Variants in HEPACAM2 observed in about 807,000 individuals in gnomAD.
HEPACAM2 encodes HEPACAM family member 2.
HEPACAM2 carries 49 observed loss-of-function variants against 49.6 expected under a neutral mutation model. The observed-to-expected ratio is 0.99, with a 90% CI of 0.78 to 1.25. The LOEUF (loss-of-function observed/expected upper bound fraction) is 1.25, where lower values mean the gene tolerates loss of function less well. HEPACAM2 is among the 50% of genes most tolerant of loss of function. The pLI, the probability that HEPACAM2 is intolerant of heterozygous loss-of-function variation, is 0.00. For missense variants in HEPACAM2, 525 were observed against 557.2 expected (o/e 0.94, Z 0.58); for synonymous variants, 197 against 202.9 (o/e 0.97, Z 0.25).
intron 1 of HEPACAM2, 25 bp downstream of exon 1, chr7:93,226,343 A>C: frequency 6.4e-7 from 1 of 1,571,730 alleles, no homozygotes; most frequent in Non-Finnish European, 8.7e-7. Flanking sequence ...CAAACAGCTA[A>C]AACACAATTC....
chr7:93,215,159 C>G (rs1259576992), intron 3 of HEPACAM2, among the ~76,000 whole-genome samples: 1 of 152,114 alleles, frequency 6.6e-6, no homozygotes, highest in East Asian at 1.9e-4. Flanking sequence ...TAGACTGAAT[C>G]ACGAAATACA....
chr7:93,229,564 C>T (rs1404149505), upstream of HEPACAM2, among the ~76,000 whole-genome samples: 1 of 152,070 alleles, frequency 6.6e-6, no homozygotes, highest in East Asian at 1.9e-4. Context: ...AGTAATATGC[C>T]CTTATCCTAC....
Position 93,208,579 on chromosome 7 carries a change from C to T in HEPACAM2, c.1012+1G>A, listed in dbSNP as rs747244115. ...ATCCCTTCCTTGTATGTCACACATA[C>T]CTACGGAAGTGATGATAACTGTGAA... On this transcript the variant is annotated splice_donor_variant, in intron 4 of 9. Coordinates refer to ENST00000394468, the MANE Select transcript of HEPACAM2 (RefSeq NM_001039372.4). LOFTEE classifies it high-confidence loss of function. 1.2e-6 allele frequency: 2 copies of T among 1,610,580 alleles called. No homozygotes were observed. The highest frequency in any genetic ancestry group is 1.7e-6 in the Non-Finnish European group (2 of 1,177,868).
intron 8 of HEPACAM2, among the ~76,000 whole-genome samples, chr7:93,193,592 T>G (rs6950913): frequency 0.019 from 2,882 of 152,204 alleles, 91 homozygotes; most frequent in African/African-American, 0.065. Flanking sequence ...CCACACAATA[T>G]GCCAAGAGAT....
chr7:93,222,111 T>C (rs1794462180), intron 1 of HEPACAM2, among the ~76,000 whole-genome samples: 1 of 152,158 alleles, frequency 6.6e-6, no homozygotes, highest in South Asian at 2.1e-4. Flanking sequence ...GTCTAAGATA[T>C]GTGAAGCAGA....
chr7:93,204,291 T>A (rs1335473768), intron 4 of HEPACAM2, among the ~76,000 whole-genome samples: 1 of 152,142 alleles, frequency 6.6e-6, no homozygotes, highest in East Asian at 1.9e-4. Flanking sequence ...AACATTTGAA[T>A]ACTGATCAGA....
rs1794091671 is a variant in HEPACAM2, at chr7:93,208,631, T to C, written c.961A>G (p.Ile321Val). Residue 321 changes from isoleucine to valine, a missense_variant, in exon 4 of 10, where the codon ATA becomes GTA. By Grantham distance (29) the Ile-to-Val change is conservative. Transcript: ENST00000394468. Reference sequence around the variant, plus strand: ...TGAGTTTCATCTTGCCTGCCGGTTATGTTGTTGTAAGCACAGCACACATAG... The same window carrying C: ...TGAGTTTCATCTTGCCTGCCGGTTACGTTGTTGTAAGCACAGCACACATAG... ...MDYVCCAYNN[I>V]TGRQDETHFT... 6.2e-7 allele frequency: 1 copy of C among 1,612,974 alleles called. No homozygotes were observed. The highest frequency in any genetic ancestry group is 8.5e-7 in the Non-Finnish European group (1 of 1,179,354).
chr7:93,219,860 TC>T (rs1794411332), intron 1 of HEPACAM2, among the ~76,000 whole-genome samples: 1 of 152,238 alleles, frequency 6.6e-6, no homozygotes, highest in South Asian at 2.1e-4. Flanking sequence ...AGAGGTTATT[TC>T]CTCCCAACAG....
At position 93,188,705 on chromosome 7, in the gene HEPACAM2, T is replaced by A. The variant is rs2116611812; in HGVS notation, c.*562A>T. 3.8e-6 allele frequency: 1 copy of A among 263,814 alleles called. No homozygotes were observed. Among genetic ancestry groups the A allele is most frequent in the Non-Finnish European group, 7.0e-6 (1 of 142,116 alleles). 16.3% of individuals were successfully genotyped at this position (263,814 alleles called of 1,614,324 possible). A position where few individuals can be genotyped will look rare whatever the true frequency, so the allele number is the denominator to read the frequency against. On this transcript the variant is annotated 3_prime_UTR_variant, in exon 10 of 10. Transcript: ENST00000394468. Reference sequence around the variant, plus strand: ...TCTTCTCAAAAATACTACTGGTGATTGAAAAAAAAGAGAAGGCATAGTTTT... The same window carrying A: ...TCTTCTCAAAAATACTACTGGTGATAGAAAAAAAAGAGAAGGCATAGTTTT...
chr7:93,198,517 C>T (rs556717365), intron 4 of HEPACAM2, among the ~76,000 whole-genome samples: 70 of 152,164 alleles, frequency 4.6e-4, no homozygotes, highest in African/African-American at 1.7e-3. Context: ...ATGTTAACAC[C>T]AGCTTCAGGT....
At chr7:93,193,825 A>T (rs1793616547) in intron 8 of HEPACAM2, among the ~76,000 whole-genome samples, 1 of 152,058 alleles carries the variant, frequency 6.6e-6, no homozygotes, top group Non-Finnish European at 1.5e-5. Context: ...TTTTATTATC[A>T]CCTTTCCTTC....
chr7:93,189,308 T>C (rs1793481907), intron 9 of HEPACAM2, 38 bp from the exon 10 acceptor site: 2 of 1,518,662 alleles, frequency 1.3e-6, no homozygotes, highest in Non-Finnish European at 1.8e-6. Context: ...AACAGTTCTA[T>C]AGATTTTTCA....
rs1252439199 is a variant in HEPACAM2, at chr7:93,192,332, C to A, written c.1307G>T (p.Cys436Phe). ...IPSRSVPASD[C>F]VSGQDLHSTV... ...ACTGTGCAAATCTTGCCCCGATACA[C>A]AATCAGAGGCTGGAACAGACCTGCT... Residue 436 changes from cysteine to phenylalanine, a missense_variant, in exon 9 of 10, where the codon TGT (cysteine) becomes TTT (phenylalanine). Cys to Phe is a radical substitution (Grantham distance 205, BLOSUM62 -2). Coordinates refer to ENST00000394468, the MANE Select transcript of HEPACAM2 (RefSeq NM_001039372.4). 6.2e-7 allele frequency: 1 copy of A among 1,612,614 alleles called. No homozygotes were observed. The highest frequency in any genetic ancestry group is 8.5e-7 in the Non-Finnish European group (1 of 1,179,090).
chr7:93,229,770 A>T (rs182847867), upstream of HEPACAM2, among the ~76,000 whole-genome samples: 2 of 152,230 alleles, frequency 1.3e-5, no homozygotes, highest in Admixed American at 6.5e-5. Flanking sequence ...AATAAATCTT[A>T]AAAATAAATA....
At chr7:93,225,878 C>T in intron 1 of HEPACAM2, 1 of 1,343,804 alleles carries the variant, frequency 7.4e-7, no homozygotes, top group Non-Finnish European at 1.0e-6. Context: ...AGTTTGGAAT[C>T]TTACCTTTCT....
chr7:93,204,075 A>T (rs1203171486), intron 4 of HEPACAM2, among the ~76,000 whole-genome samples: 2 of 152,142 alleles, frequency 1.3e-5, no homozygotes, highest in Non-Finnish European at 2.9e-5. Flanking sequence ...GATAGAAAAA[A>T]TTAGTAAATT....
At chr7:93,196,260 G>A (rs1345012649) in intron 7 of HEPACAM2, among the ~76,000 whole-genome samples, 1 of 152,120 alleles carries the variant, frequency 6.6e-6, no homozygotes, top group Non-Finnish European at 1.5e-5. Context: ...TGATCCACCC[G>A]TAATATCTAC....
chr7:93,215,040 GA>G (rs1343808187), intron 3 of HEPACAM2, among the ~76,000 whole-genome samples: 2 of 152,094 alleles, frequency 1.3e-5, no homozygotes, highest in South Asian at 2.1e-4. Context: ...ATTTGGAGAG[GA>G]AAAAAGTTCT....
chr7:93,205,023 C>T (rs1365944937), intron 4 of HEPACAM2, among the ~76,000 whole-genome samples: 1 of 151,770 alleles, frequency 6.6e-6, no homozygotes, highest in East Asian at 1.9e-4. Flanking sequence ...TCACTTGAAC[C>T]CAGGAGGCAG....
Sources: allele counts gnomAD v4.1 joint callset (sites outside exome capture counted in the v4.1 genomes callset), GRCh38; gene constraint gnomAD v4.1.1; transcripts MANE v1.5; gene names NCBI Gene and HGNC (gene_info 2026-07-23, HGNC 2026-07-21).